Variants in TEP1 observed in about 807,000 individuals in gnomAD.
The protein encoded by TEP1 is telomerase protein component 1.
Under a neutral mutation model 306.3 loss-of-function variants are expected in TEP1, and 241 were observed. The ratio of observed to expected loss-of-function variants is 0.79; its 90% confidence interval spans 0.71 to 0.88. The LOEUF is 0.88. Ranked by LOEUF, TEP1 falls within the 40% of genes least tolerant of loss-of-function variation. The probability of loss-of-function intolerance (pLI) is 0.00; values close to 1 mark genes in which losing one functional copy is unlikely to be tolerated. For missense variants in TEP1, 3,051 were observed against 3,276.1 expected, an observed-to-expected ratio of 0.93 and a Z score of 1.68; for synonymous variants, 1,289 against 1,305.5, an observed-to-expected ratio of 0.99 and a Z score of 0.27.
intron 3 of TEP1, 42 bp from the exon 4 acceptor site, chr14:20,405,627 C>T: frequency 6.2e-7 from 1 of 1,604,826 alleles, no homozygotes; most frequent in African/African-American, 1.3e-5. Context: ...AGAGAGGTAA[C>T]AAGGACCAAC....
In TEP1 at chr14:20,381,951, G is replaced by T; in HGVS notation, c.4386C>A (p.Pro1462=). The change falls in exon 30 of 55, where the codon CCC becomes CCA. Residue 1462 remains proline, a synonymous_variant. Coordinates refer to ENST00000262715, the MANE Select transcript of TEP1 (RefSeq NM_007110.5). This position sits in a 1 kb window ranked among gnomAD's most constrained non-coding sequence, Gnocchi z 4.0. The part of the protein sequence containing the change: ...VAAGNSGDPY[P]MGPFACLVQS... ...GGACGAGGCAGGCAAACGGGCCCAT[G>T]GGGTAGGGGTCTCCACTGTTACCAG... 6.2e-7 allele frequency: 1 copy of T among 1,614,124 alleles called. No homozygotes were observed. Among genetic ancestry groups the T allele is most frequent in the East Asian group, 2.2e-5 (1 of 44,880 alleles).
At chr14:20,378,618 C>T (rs536566223) in intron 37 of TEP1, 83 bp from the exon 38 acceptor site, 19 of 1,596,950 alleles carry the variant, frequency 1.2e-5, no homozygotes, top group Non-Finnish European at 1.5e-5. Flanking sequence ...GCAACCTTGT[C>T]CAGTTACCCT....
At chr14:20,400,428 T>G (rs1330984551) in intron 9 of TEP1, among the ~76,000 whole-genome samples, 2 of 124,036 alleles carry the variant, frequency 1.6e-5, no homozygotes, top group African/African-American at 5.8e-5. Flanking sequence ...CTCTAAAATT[T>G]AAAAAGAAAA....
intron 2 of TEP1, among the ~76,000 whole-genome samples, chr14:20,407,433 C>G (rs1879263358): frequency 6.6e-6 from 1 of 152,180 alleles, no homozygotes; most frequent in Admixed American, 6.5e-5. Flanking sequence ...ATCTCGCCTC[C>G]CGGTTTAAGC....
chr14:20,402,930 A>G (rs4981175), intron 7 of TEP1, among the ~76,000 whole-genome samples: 68,128 of 151,768 alleles, frequency 0.45, 15,674 homozygotes, highest in African/African-American at 0.49. Context: ...AGGTCAAGGC[A>G]GGTGGATCAC....
At position 20,368,352 on chromosome 14, in the gene TEP1, A is replaced by C. The variant is rs1197943316; in HGVS notation, c.*85T>G. 7.0e-7 allele frequency: 1 copy of C among 1,429,254 alleles called. No individual in the cohort carries two copies. Among genetic ancestry groups the C allele is most frequent in the South Asian group, 1.5e-5 (1 of 68,192 alleles). 88.5% of individuals were successfully genotyped at this position (1,429,254 alleles called of 1,614,324 possible). A position where few individuals can be genotyped will look rare whatever the true frequency, so the allele number is the denominator to read the frequency against. On this transcript the variant is annotated 3_prime_UTR_variant, in exon 55 of 55. Coordinates refer to ENST00000262715, the MANE Select transcript of TEP1 (RefSeq NM_007110.5). Reference sequence around the variant, plus strand: ...TTTTATAATTATCAAGAAATTATTAATTTTATAATTATTAAAAGCTACCAG... The same window carrying C: ...TTTTATAATTATCAAGAAATTATTACTTTTATAATTATTAAAAGCTACCAG...
rs893650857 is a variant in TEP1 at position 20,367,035 on chromosome 14, T to A, written c.*1402A>T. 6.6e-6 allele frequency: 1 copy of A among 152,238 alleles called. No homozygotes were observed. Among genetic ancestry groups the A allele is most frequent in the Non-Finnish European group, 1.5e-5 (1 of 68,050 alleles). 9.4% of individuals were successfully genotyped at this position (152,238 alleles called of 1,614,324 possible). A position where few individuals can be genotyped will look rare whatever the true frequency, so the allele number is the denominator to read the frequency against. Reference sequence around the variant, plus strand: ...AGCAAAGGCTAACCTGCTCAATAGATTCTTCCATATGATTGAATTTTAGAA... The same window carrying A: ...AGCAAAGGCTAACCTGCTCAATAGAATCTTCCATATGATTGAATTTTAGAA... On this transcript the variant is annotated 3_prime_UTR_variant, in exon 55 of 55. Coordinates refer to ENST00000262715, the MANE Select transcript of TEP1 (RefSeq NM_007110.5).
intron 44 of TEP1, 78 bp from the exon 45 acceptor site, chr14:20,373,888 G>C (rs920073075): frequency 6.4e-7 from 1 of 1,552,242 alleles, no homozygotes; most frequent in Non-Finnish European, 8.7e-7. Context: ...ACAGAGGTGG[G>C]TGGAGCATTA....
chr14:20,395,505 T>C lies in TEP1; in HGVS notation c.1873A>G (p.Ile625Val), dbSNP rs373546016. 29 of 1,613,376 alleles carry C rather than the reference T, an allele frequency of 1.8e-5. No homozygotes were observed. The highest frequency in any genetic ancestry group is 2.4e-5 in the Non-Finnish European group (28 of 1,179,694). ...SRQQLRMAMR[I>V]PVLYEQLKRE... is the part of the protein sequence containing the mutation. ...TTGAGCTGCTCATACAACACAGGTA[T>C]CCTCATTGCCATCCGAAGCTGCTGA... is the stretch of plus-strand genomic sequence containing the variant. The change falls in exon 12 of 55, where the codon ATA becomes GTA. Residue 625 changes from isoleucine (I) to valine (V), a missense_variant. Physicochemically the swap from Ile to Val is conservative, Grantham distance 29. This residue lies in a region of TEP1 where 1,507 missense variants were observed against 1,550.5 expected (regional missense o/e 0.97). Coordinates refer to ENST00000262715, the MANE Select transcript of TEP1 (RefSeq NM_007110.5).
In TEP1 at chr14:20,401,101, G is replaced by C; in HGVS notation, c.1432C>G (p.Pro478Ala). 1 of 1,614,214 alleles carries C rather than the reference G, an allele frequency of 6.2e-7. No homozygotes were observed. Among genetic ancestry groups the C allele is most frequent in the Non-Finnish European group, 8.5e-7 (1 of 1,180,052 alleles). Residue 478 changes from proline (P) to alanine (A), a missense_variant, in exon 9 of 55, where the codon CCT (proline) becomes GCT (alanine). Pro to Ala is a conservative substitution (Grantham distance 27). Coordinates refer to ENST00000262715, the MANE Select transcript of TEP1 (RefSeq NM_007110.5). Reference sequence around the variant, plus strand: ...GCTCTGCTAGAATCCCAAGGCCCAGGAAGGCGACTTCGAGAAAAGAGCTGT... The same window carrying C: ...GCTCTGCTAGAATCCCAAGGCCCAGCAAGGCGACTTCGAGAAAAGAGCTGT... ...NLQLFSRSRLPGPWDSSRAGK... is the reference protein window; with the variant it reads ...NLQLFSRSRLAGPWDSSRAGK...
chr14:20,393,075 G>A (rs975594493), intron 12 of TEP1, among the ~76,000 whole-genome samples: 36 of 152,044 alleles, frequency 2.4e-4, no homozygotes, highest in African/African-American at 8.7e-4. Context: ...AAATTAGCCG[G>A]GCGTGGTGGT....
Position 20,378,625 on chromosome 14 carries a change from C to A in TEP1, c.5353-90G>T, listed in dbSNP as rs915481315. 2.5e-6 allele frequency: 4 copies of A among 1,593,518 alleles called. No individual in the cohort carries two copies. In the South Asian group the frequency reaches 3.3e-5, roughly 13 times the overall value. On this transcript the variant is annotated intron_variant, in intron 37 of 54. Coordinates refer to ENST00000262715, the MANE Select transcript of TEP1 (RefSeq NM_007110.5). ...CTCCAGGAGCAACCTTGTCCAGTTA[C>A]CCTGCCCTCAGCAGGGAAGGCCTTC...
chr14:20,404,885 C>T (rs1225743782), intron 4 of TEP1, 113 bp from the exon 5 acceptor site: 31 of 1,266,102 alleles, frequency 2.4e-5, no homozygotes, highest in South Asian at 1.3e-4. Flanking sequence ...GAGCCCTCCA[C>T]GTTGTCCACA....
intron 1 of TEP1, among the ~76,000 whole-genome samples, chr14:20,410,486 G>A (rs138668014): frequency 0.011 from 1,706 of 151,908 alleles, 32 homozygotes; most frequent in African/African-American, 0.039. Context: ...GCAATGGCAC[G>A]ATCTTGGCTC....
At chr14:20,407,848 C>G (rs1471459032) in intron 2 of TEP1, 25 bp downstream of exon 2, 2 of 1,548,682 alleles carry the variant, frequency 1.3e-6, no homozygotes, top group Non-Finnish European at 1.8e-6. Flanking sequence ...TGGCTGGAGT[C>G]AAGATGAGTG....
intron 51 of TEP1, 32 bp from the exon 52 acceptor site, chr14:20,369,811 ACC>A (rs1884717106): frequency 6.4e-7 from 1 of 1,553,490 alleles, no homozygotes; most frequent in Non-Finnish European, 8.9e-7. Flanking sequence ...TGTTTAGCCT[ACC>A]CATATGAGTC....
intron 1 of TEP1, among the ~76,000 whole-genome samples, chr14:20,410,484 A>C (rs1397284381): frequency 6.6e-6 from 1 of 151,758 alleles, no homozygotes; most frequent in Non-Finnish European, 1.5e-5. Flanking sequence ...GTGCAATGGC[A>C]CGATCTTGGC....
chr14:20,379,295 C>T (rs1188789955), intron 35 of TEP1, among the ~76,000 whole-genome samples, 190 bp from the exon 36 acceptor site: 1 of 152,242 alleles, frequency 6.6e-6, no homozygotes, highest in African/African-American at 2.4e-5. Flanking sequence ...TTCTCCCCTA[C>T]TCCAAACCCC....
rs1394658947 is a variant in TEP1 at position 20,377,371 on chromosome 14, T to C, written c.5997A>G (p.Glu1999=). 10 of 1,614,122 alleles carry C rather than the reference T, an allele frequency of 6.2e-6. No individual in the cohort carries two copies. Among genetic ancestry groups the C allele is most frequent in the Non-Finnish European group, 7.6e-6 (9 of 1,179,998 alleles). The stretch of plus-strand genomic sequence containing the variant: ...GGAGCCAGAGGGACTGAAGGGAGCA[T>C]TCCTTGAGTGCCCAGCCCTGCAAGG... ...DGSLQGWALK[E]CSLQSLWLLS... is the part of the protein sequence containing the mutation. The change falls in exon 41 of 55, where the codon GAA becomes GAG. Residue 1999 remains glutamate, a synonymous_variant. Transcript: ENST00000262715.
Sources: allele counts gnomAD v4.1 joint callset (sites outside exome capture counted in the v4.1 genomes callset), GRCh38; gene constraint gnomAD v4.1.1; regional missense constraint gnomAD v4.1.1; non-coding constraint Gnocchi (gnomAD v3.1); transcripts MANE v1.5; gene names NCBI Gene and HGNC (gene_info 2026-07-23, HGNC 2026-07-21).